The following PHC3 variants were observed in gnomAD, a reference collection of about 807,000 sequenced individuals.
PHC3 encodes the protein polyhomeotic-like protein 3.
PHC3 carries 13 observed loss-of-function variants against 107.4 expected under a neutral mutation model. The observed-to-expected ratio is 0.12, with a 90% CI of 0.08 to 0.19. PHC3 has a LOEUF of 0.19. Ranked by LOEUF, PHC3 falls within the 10% of genes least tolerant of loss-of-function variation. The probability of loss-of-function intolerance (pLI) is 1.00; values close to 1 mark genes in which losing one functional copy is unlikely to be tolerated. For synonymous variants in PHC3, 456 were observed against 427.4 expected (o/e 1.07, Z -0.83); for missense variants, 992 against 1,210.9 (o/e 0.82, Z 2.68).
Position 170,122,730 on chromosome 3 carries a change from T to A in PHC3, c.1803A>T (p.Glu601Asp). 3.1e-6 allele frequency: 5 copies of A among 1,613,928 alleles called. No individual in the cohort carries two copies. Among genetic ancestry groups the A allele is most frequent in the Non-Finnish European group, 3.4e-6 (4 of 1,179,846 alleles). The change falls in exon 9 of 15, where the codon GAA becomes GAT. Residue 601 changes from glutamate to aspartate, a missense_variant. This residue lies in a region of PHC3 where 543 missense variants were observed against 590.8 expected (regional missense o/e 0.92). Coordinates refer to ENST00000495893, the MANE Select transcript of PHC3 (RefSeq NM_024947.4). ...PVDPPVVYQV[E>D]DVCEEEMPEE... ...CTGGCATTTCTTCTTCACACACATC[T>A]TCTACCTGATAAACCTGCAATGACA...
intron 6 of PHC3, among the ~76,000 whole-genome samples, chr3:170,142,672 T>TGCCAC (rs1463516009): frequency 2.6e-5 from 4 of 152,234 alleles, no homozygotes; most frequent in African/African-American, 9.6e-5. Flanking sequence ...CCTAGCTCCA[T>TGCCAC]GCCACTTTCC....
intron 9 of PHC3, 151 bp downstream of exon 9, chr3:170,122,440 T>C (rs1210327777): frequency 1.3e-6 from 1 of 789,204 alleles, no homozygotes; most frequent in Non-Finnish European, 2.0e-6. Context: ...CTCGTCACCA[T>C]AAAAAATAAA....
At chr3:170,119,250 C>A (rs905980016) in intron 9 of PHC3, among the ~76,000 whole-genome samples, 8 of 152,036 alleles carry the variant, frequency 5.3e-5, no homozygotes, top group African/African-American at 1.9e-4. Flanking sequence ...CTGAAAGGCA[C>A]TTTTCTATAG....
chr3:170,116,672 A>G (rs146652118), intron 10 of PHC3, among the ~76,000 whole-genome samples: 1,857 of 152,230 alleles, frequency 0.012, 40 homozygotes, highest in African/African-American at 0.042. Context: ...CATGGCTCAC[A>G]CCTGTAATCC....
intron 12 of PHC3, among the ~76,000 whole-genome samples, chr3:170,105,126 C>A (rs536409537): frequency 6.6e-6 from 1 of 152,140 alleles, no homozygotes; most frequent in South Asian, 2.1e-4. Context: ...AGACTGATGG[C>A]AGCATTAAGT....
intron 4 of PHC3, among the ~76,000 whole-genome samples, chr3:170,169,258 T>C (rs535258129): frequency 6.6e-6 from 1 of 152,296 alleles, no homozygotes; most frequent in East Asian, 1.9e-4. Context: ...CAGCTGTTTT[T>C]TCTTCTGGAG....
At position 170,089,982 on chromosome 3, in the gene PHC3, C is replaced by G. The variant is rs1025251674; in HGVS notation, c.*7248G>C. 1 of 147,984 alleles carries G rather than the reference C, an allele frequency of 6.8e-6. No individual in the cohort carries two copies. Among genetic ancestry groups the G allele is most frequent in the Non-Finnish European group, 1.5e-5 (1 of 67,132 alleles). The allele number at this position is 147,984 out of a possible 1,614,324, so 9.2% of individuals were successfully genotyped here. On this transcript the variant is annotated 3_prime_UTR_variant, in exon 15 of 15. Coordinates refer to ENST00000495893, the MANE Select transcript of PHC3 (RefSeq NM_024947.4). ...CTCACTGTCAATACTGGGTAAAAAG[C>G]TCTTATATCAACACCAGCTTTTTTT...
At chr3:170,153,632 G>A (rs1379168465) in intron 4 of PHC3, among the ~76,000 whole-genome samples, 3 of 151,884 alleles carry the variant, frequency 2.0e-5, no homozygotes, top group Non-Finnish European at 4.4e-5. Flanking sequence ...GCGTGGTGGC[G>A]GGTGCCTGTA....
chr3:170,142,661 G>T (rs139292469), intron 6 of PHC3, among the ~76,000 whole-genome samples: 1,859 of 152,164 alleles, frequency 0.012, 40 homozygotes, highest in African/African-American at 0.043. Context: ...GCAACTTCAC[G>T]CCTAGCTCCA....
intron 10 of PHC3, among the ~76,000 whole-genome samples, chr3:170,116,364 G>A (rs185260669): frequency 4.1e-4 from 62 of 152,198 alleles, no homozygotes; most frequent in African/African-American, 1.3e-3. Context: ...AGGAGTTTGA[G>A]ACCAGCCTGG....
chr3:170,135,048 G>C (rs1038912304), intron 7 of PHC3, among the ~76,000 whole-genome samples: 2 of 152,196 alleles, frequency 1.3e-5, no homozygotes, highest in Non-Finnish European at 2.9e-5. Context: ...TTACACCTAA[G>C]TATAAAACAA....
chr3:170,178,190 C>T (rs1225656386), intron 2 of PHC3, among the ~76,000 whole-genome samples: 1 of 146,296 alleles, frequency 6.8e-6, no homozygotes, highest in Non-Finnish European at 1.5e-5. Flanking sequence ...GTCGCTCAGG[C>T]GGGAGTGCTG....
rs375077580 is a variant in PHC3 at position 170,129,264 on chromosome 3, G to A, written c.1208C>T (p.Ser403Leu). Reference sequence around the variant, plus strand: ...AGACACCACTACAGACTGCTGTGCTGACTGTGACTGATTAGGAGACACTGT... The same window carrying A: ...AGACACCACTACAGACTGCTGTGCTAACTGTGACTGATTAGGAGACACTGT... ...PLTVSPNQSQ[S>L]AQQSVVVSPP... Residue 403 changes from serine to leucine, a missense_variant, in exon 8 of 15, where the codon TCA (serine) becomes TTA (leucine). Around this residue, in one of 6 missense-constraint regions of PHC3, gnomAD observed 543 missense variants for 590.8 expected, o/e 0.92. Coordinates refer to ENST00000495893, the MANE Select transcript of PHC3 (RefSeq NM_024947.4). 2 of 1,613,874 alleles carry A rather than the reference G, an allele frequency of 1.2e-6. No homozygotes were observed. The highest frequency in any genetic ancestry group is 1.7e-6 in the Non-Finnish European group (2 of 1,179,762).
intron 14 of PHC3, among the ~76,000 whole-genome samples, chr3:170,098,054 T>C (rs913694596): frequency 1.3e-5 from 2 of 152,302 alleles, no homozygotes; most frequent in South Asian, 2.1e-4. Flanking sequence ...ACAATTCTCA[T>C]TGAAATTATG....
At chr3:170,126,872 A>G (rs1721393938) in intron 8 of PHC3, among the ~76,000 whole-genome samples, 1 of 151,802 alleles carries the variant, frequency 6.6e-6, no homozygotes, top group Admixed American at 6.6e-5. Context: ...GTTCCTCTAT[A>G]GCTTCCCCTA....
chr3:170,140,445 G>T (rs1723859966), intron 6 of PHC3, among the ~76,000 whole-genome samples: 1 of 151,196 alleles, frequency 6.6e-6, no homozygotes, highest in Non-Finnish European at 1.5e-5. Context: ...GTAAAGATGG[G>T]GTTTCGCCAT....
At chr3:170,171,777 T>G (rs1008614208) in intron 3 of PHC3, among the ~76,000 whole-genome samples, 17 of 152,304 alleles carry the variant, frequency 1.1e-4, no homozygotes, top group Admixed American at 9.1e-4. Context: ...CAAGAGCCAG[T>G]GAGTGGGTTT....
At position 170,128,782 on chromosome 3, in the gene PHC3, C is replaced by G; in HGVS notation, c.1690G>C (p.Glu564Gln). 1.2e-6 allele frequency: 2 copies of G among 1,613,996 alleles called. No individual in the cohort carries two copies. Among genetic ancestry groups the G allele is most frequent in the Non-Finnish European group, 1.7e-6 (2 of 1,179,886 alleles). The change falls in exon 8 of 15, where the codon GAA (glutamate) becomes CAA (glutamine). Residue 564 changes from glutamate to glutamine, a missense_variant. Physicochemically the swap from Glu to Gln is conservative, Grantham distance 29. This residue lies in a region of PHC3 where 543 missense variants were observed against 590.8 expected (regional missense o/e 0.92). Transcript: ENST00000495893. ...TGAAATGGCAACTGGACCAAAGCTT[C>G]TGCAGCTGGAAGTTCCTCTTCTGAC... Reference protein sequence around the residue: ...LVSEEELPAAEALVQLPFQTL... With the variant: ...LVSEEELPAAQALVQLPFQTL...
At chr3:170,123,406 C>T (rs935401478) in intron 8 of PHC3, among the ~76,000 whole-genome samples, 2 of 144,260 alleles carry the variant, frequency 1.4e-5, no homozygotes, top group African/African-American at 5.4e-5. Context: ...TATTTTTTTA[C>T]TCTTTTTATA....
Sources: gnomAD v4.1 joint callset for allele counts (sites outside exome capture counted in the v4.1 genomes callset) on GRCh38, gnomAD v4.1.1 for gene constraint, gnomAD v4.1.1 regional missense constraint, MANE v1.5 for transcripts, NCBI Gene and HGNC (gene_info 2026-07-23, HGNC 2026-07-21) for gene names.